TANC2: variants seen among roughly 807,000 people sequenced by gnomAD.
The protein encoded by TANC2 is tetratricopeptide repeat, ankyrin repeat and coiled-coil containing 2.
A neutral mutation model predicts 210.5 loss-of-function variants in TANC2; 26 were observed. The observed-to-expected ratio is 0.12, with a 90% CI of 0.09 to 0.17. The LOEUF (loss-of-function observed/expected upper bound fraction) is 0.17, where lower values mean the gene tolerates loss of function less well. Ranked by LOEUF, TANC2 falls within the 10% of genes least tolerant of loss-of-function variation. The probability of loss-of-function intolerance (pLI) is 1.00; values close to 1 mark genes in which losing one functional copy is unlikely to be tolerated. For synonymous variants in TANC2, 931 were observed against 967.1 expected, an observed-to-expected ratio of 0.96 and a Z score of 0.69; for missense variants, 2,129 against 2,608.9, an observed-to-expected ratio of 0.82 and a Z score of 4.01.
chr17:63,249,666 G>T (rs575343894), intron 8 of TANC2, among the ~76,000 whole-genome samples: 10 of 152,176 alleles, frequency 6.6e-5, no homozygotes, highest in South Asian at 4.1e-4. Flanking sequence ...AATCTAGGGG[G>T]ATTTAAGCAA....
chr17:63,276,040 T>C (rs981653563), intron 9 of TANC2, among the ~76,000 whole-genome samples: 1 of 152,134 alleles, frequency 6.6e-6, no homozygotes, highest in Admixed American at 6.6e-5. Flanking sequence ...ATAATGCCAA[T>C]AAATTTACTT....
At chr17:63,135,256 C>T (rs1027347756) in intron 4 of TANC2, among the ~76,000 whole-genome samples, 1 of 152,128 alleles carries the variant, frequency 6.6e-6, no homozygotes, top group East Asian at 1.9e-4. Flanking sequence ...GTACATCTTG[C>T]CTCATACCTT....
At chr17:63,039,318 A>T (rs2035092771) in intron 2 of TANC2, among the ~76,000 whole-genome samples, 1 of 152,162 alleles carries the variant, frequency 6.6e-6, no homozygotes, top group Non-Finnish European at 1.5e-5. Flanking sequence ...TGGCTACTTA[A>T]TAGAGACAAT....
chr17:63,328,372 GTA>G (rs921108812), intron 11 of TANC2, among the ~76,000 whole-genome samples: 11 of 124,410 alleles, frequency 8.8e-5, no homozygotes, highest in South Asian at 2.5e-4. Flanking sequence ...ATGTGTATGT[GTA>G]TATGTGTGTG....
chr17:63,260,590 G>A lies in TANC2; in HGVS notation c.1034-7158G>A, dbSNP rs535027230. On this transcript the variant is annotated intron_variant, in intron 8 of 27. Transcript: ENST00000689528. The stretch of plus-strand genomic sequence containing the variant: ...CTTTGAGCTCAAGAGTTCAAGACCA[G>A]CCTGGGCAACACAGCGAAACCCTGT... Among the ~76,000 whole-genome samples the A allele has an allele frequency of 2.6e-5, 4 of 152,018 alleles. No individual in the cohort carries two copies. The South Asian group carries it at 8.3e-4, about 32-fold the overall frequency.
At chr17:63,278,037 G>A (rs1164590200) in intron 9 of TANC2, among the ~76,000 whole-genome samples, 1 of 151,984 alleles carries the variant, frequency 6.6e-6, no homozygotes, top group African/African-American at 2.4e-5. Context: ...CATGCACGGT[G>A]GTACACGCCT....
intron 2 of TANC2, among the ~76,000 whole-genome samples, chr17:63,022,801 G>GC (rs1207434049): frequency 6.6e-6 from 1 of 152,156 alleles, no homozygotes; most frequent in African/African-American, 2.4e-5. Flanking sequence ...CTGCTTGGCT[G>GC]CACCAGCTGT....
chr17:63,208,907 A>G (rs937222686), intron 7 of TANC2, among the ~76,000 whole-genome samples: 1 of 152,150 alleles, frequency 6.6e-6, no homozygotes, highest in Non-Finnish European at 1.5e-5. Context: ...GTGGTTTTCT[A>G]CATATACAAC....
chr17:63,250,169 T>C (rs1287385069), intron 8 of TANC2, among the ~76,000 whole-genome samples: 3 of 152,150 alleles, frequency 2.0e-5, no homozygotes, highest in Admixed American at 2.0e-4. Flanking sequence ...TAAAGCTTTT[T>C]CTCTTTACAT....
At chr17:63,312,825 A>G (rs774339521) in intron 9 of TANC2, among the ~76,000 whole-genome samples, 1 of 152,206 alleles carries the variant, frequency 6.6e-6, no homozygotes, top group Non-Finnish European at 1.5e-5. Flanking sequence ...AGCTTCCCCT[A>G]ACCCCCCACA....
chr17:63,112,812 T>G (rs1354776131), intron 4 of TANC2, among the ~76,000 whole-genome samples: 1 of 152,228 alleles, frequency 6.6e-6, no homozygotes, highest in Non-Finnish European at 1.5e-5. Flanking sequence ...TTTTAGCTCC[T>G]GTGTTGTGTT....
intron 8 of TANC2, among the ~76,000 whole-genome samples, chr17:63,259,142 G>A (rs1400976654): frequency 6.6e-6 from 1 of 152,170 alleles, no homozygotes; most frequent in Non-Finnish European, 1.5e-5. Flanking sequence ...GCCCGAAATA[G>A]GGGCCCCAGA....
At chr17:63,220,857 C>T (rs868696837) in intron 7 of TANC2, among the ~76,000 whole-genome samples, 11 of 148,114 alleles carry the variant, frequency 7.4e-5, no homozygotes, top group Non-Finnish European at 8.9e-5. Flanking sequence ...TACGTATATA[C>T]GTATATATGT....
intron 3 of TANC2, among the ~76,000 whole-genome samples, chr17:63,095,066 G>A (rs1192724060): frequency 6.8e-6 from 1 of 147,526 alleles, no homozygotes; most frequent in Non-Finnish European, 1.5e-5. Context: ...CAACTTTGCA[G>A]AAGCTCCCAC....
intron 7 of TANC2, among the ~76,000 whole-genome samples, chr17:63,230,447 C>G (rs533273741): frequency 1.3e-5 from 2 of 152,138 alleles, no homozygotes; most frequent in African/African-American, 4.8e-5. Flanking sequence ...CCAAACACTG[C>G]TTTAGCTGTG....
chr17:63,070,737 C>T (rs117179520), intron 2 of TANC2, among the ~76,000 whole-genome samples: 4,301 of 152,152 alleles, frequency 0.028, 86 homozygotes, highest in Non-Finnish European at 0.042. Flanking sequence ...ATTTTAGTGT[C>T]CATAAAGAAA....
At chr17:63,243,483 G>A (rs1341822257) in intron 8 of TANC2, among the ~76,000 whole-genome samples, 1 of 152,172 alleles carries the variant, frequency 6.6e-6, no homozygotes, top group Non-Finnish European at 1.5e-5. Flanking sequence ...CAGTGGAACT[G>A]ATAAATTGTA....
At chr17:63,384,069 C>CTTTTTTT in intron 15 of TANC2, among the ~76,000 whole-genome samples, 1 of 149,216 alleles carries the variant, frequency 6.7e-6, no homozygotes, top group South Asian at 2.1e-4. Flanking sequence ...AGTTGTTTAA[C>CTTTTTTT]TTTTTTTTTT....
intron 4 of TANC2, among the ~76,000 whole-genome samples, chr17:63,138,379 G>GT (rs1479413915): frequency 6.6e-6 from 1 of 152,208 alleles, no homozygotes; most frequent in African/African-American, 2.4e-5. Context: ...ATACATCTTT[G>GT]TGAGAGGACC....
Sources: gnomAD v4.1 joint callset for allele counts (sites outside exome capture counted in the v4.1 genomes callset) on GRCh38, gnomAD v4.1.1 for gene constraint, MANE v1.5 for transcripts, NCBI Gene and HGNC (gene_info 2026-07-23, HGNC 2026-07-21) for gene names.